GPHN: variants seen among roughly 807,000 people sequenced by gnomAD.
GPHN encodes the protein gephyrin.
Under a neutral mutation model 95.5 loss-of-function variants are expected in GPHN, and 17 were observed. The ratio of observed to expected loss-of-function variants is 0.18; its 90% CI spans 0.12 to 0.27. GPHN has a LOEUF of 0.27. Among genes scored for constraint, GPHN ranks in the 10% least tolerant of loss-of-function variants. The pLI is 1.00. For synonymous variants in GPHN, 320 were observed against 322.5 expected (o/e 0.99, Z 0.08); for missense variants, 660 against 978.1 (o/e 0.67, Z 4.34).
At chr14:67,492,578 G>T in the GPHN span, among the ~76,000 whole-genome samples, 1 of 152,178 alleles carries the variant, frequency 6.6e-6, no homozygotes, top group East Asian at 1.9e-4. Flanking sequence ...AAGTGATGGG[G>T]ACCCTGCCCC....
chr14:67,377,614 A>C, the GPHN span, among the ~76,000 whole-genome samples: 1 of 152,156 alleles, frequency 6.6e-6, no homozygotes, highest in Non-Finnish European at 1.5e-5. Flanking sequence ...AATTGCTCTC[A>C]AACTAGTCTT....
chr14:66,807,263 C>T (rs1393722375), intron 3 of GPHN, among the ~76,000 whole-genome samples: 2 of 152,166 alleles, frequency 1.3e-5, no homozygotes, highest in Non-Finnish European at 2.9e-5. Context: ...CCACCAGGTC[C>T]CTCCCACAAC....
intron 9 of GPHN, among the ~76,000 whole-genome samples, chr14:66,997,813 G>A (rs74739820): frequency 6.6e-6 from 1 of 151,976 alleles, no homozygotes; most frequent in African/African-American, 2.4e-5. Flanking sequence ...CATACCACTA[G>A]GGAGAAGCAA....
At chr14:67,359,265 T>C in the GPHN span, among the ~76,000 whole-genome samples, 1 of 152,202 alleles carries the variant, frequency 6.6e-6, no homozygotes. Flanking sequence ...AAAACCTCCT[T>C]GGCCTTTCCA....
chr14:66,816,162 G>A (rs897132167), intron 3 of GPHN, among the ~76,000 whole-genome samples: 9 of 152,154 alleles, frequency 5.9e-5, no homozygotes, highest in Non-Finnish European at 1.3e-4. Context: ...CATAAAGTAG[G>A]TTCTTAGGGA....
At chr14:66,780,737 A>C (rs557915283) in intron 3 of GPHN, among the ~76,000 whole-genome samples, 11 of 152,266 alleles carry the variant, frequency 7.2e-5, no homozygotes, top group African/African-American at 2.6e-4. Flanking sequence ...TCAAAGAAAA[A>C]CTGTTCTAAA....
the GPHN span, chr14:67,616,537 C>T: frequency 1.3e-5 from 2 of 150,862 alleles, no homozygotes; most frequent in Admixed American, 6.6e-5. Flanking sequence ...TAAGTACATA[C>T]AATTATTATT....
intron 2 of GPHN, among the ~76,000 whole-genome samples, chr14:66,774,918 T>C (rs1318190022): frequency 6.6e-6 from 1 of 152,218 alleles, no homozygotes; most frequent in Non-Finnish European, 1.5e-5. Context: ...TTGTGTAAAA[T>C]TGTAACTCCA....
chr14:67,182,650 G>C (rs1056503259), downstream of GPHN, among the ~76,000 whole-genome samples: 1 of 151,992 alleles, frequency 6.6e-6, no homozygotes, highest in African/African-American at 2.4e-5. Flanking sequence ...TTACAAACAT[G>C]AATAGGGCAG....
chr14:67,326,969 G>A, the GPHN span, among the ~76,000 whole-genome samples: 1 of 152,086 alleles, frequency 6.6e-6, no homozygotes, highest in African/African-American at 2.4e-5. Flanking sequence ...GAGGTGAGGA[G>A]TTTGAGACCA....
intron 2 of GPHN, among the ~76,000 whole-genome samples, chr14:66,764,046 T>C (rs916779187): frequency 2.6e-5 from 4 of 152,234 alleles, no homozygotes; most frequent in Non-Finnish European, 2.9e-5. Context: ...TGATTTTACA[T>C]TGTGATGACA....
chr14:67,093,501 A>G lies in GPHN; in HGVS notation c.1237+4426A>G, dbSNP rs148699843. 1.7e-3 allele frequency among the ~76,000 whole-genome samples: 254 copies of G among 152,186 alleles called. 1 individual carries two copies. Among genetic ancestry groups the G allele is most frequent in the African/African-American group, 5.9e-3 (246 of 41,560 alleles). ...TTGACAGCCTATTTTGCCCTCTACT[A>G]TAGGATACTTTCAGTGAAAAAGAGG... On this transcript the variant is annotated intron_variant, in intron 12 of 22. Coordinates refer to ENST00000478722, the MANE Select transcript of GPHN (RefSeq NM_020806.5).
At chr14:67,628,713 A>G in the GPHN span, among the ~76,000 whole-genome samples, 1 of 152,234 alleles carries the variant, frequency 6.6e-6, no homozygotes, top group Non-Finnish European at 1.5e-5. Flanking sequence ...GATGGCTACT[A>G]TCAAAACAGA....
chr14:67,382,607 C>CATT, the GPHN span: 14 of 1,613,338 alleles, frequency 8.7e-6, no homozygotes, highest in Non-Finnish European at 1.1e-5. Context: ...TCAATAGATT[C>CATT]ATTTTTAATA....
In GPHN at chr14:66,681,076, AT is replaced by A. The variant is rs201109534; in HGVS notation, c.65-22del. On this transcript the variant is annotated intron_variant, in intron 1 of 22. Coordinates refer to ENST00000478722, the MANE Select transcript of GPHN (RefSeq NM_020806.5). ...TTAAATGAAATGTAGACAAAAATTA[AT>A]TTTTTTTTCTTTTCCCCATTTCTAT... 3.7e-4 allele frequency: 482 copies of A among 1,307,794 alleles called. 3 individuals carry two copies. The East Asian group carries it at 8.6e-3, about 23-fold the overall frequency. The allele number at this position is 1,307,794 out of a possible 1,614,324, so 81.0% of individuals were successfully genotyped here.
the GPHN span, among the ~76,000 whole-genome samples, chr14:67,264,347 T>A: frequency 6.6e-6 from 1 of 152,230 alleles, no homozygotes; most frequent in Non-Finnish European, 1.5e-5. Context: ...GTATTAGCTA[T>A]GATCACTAAG....
intron 2 of GPHN, among the ~76,000 whole-genome samples, chr14:66,710,985 A>G (rs2069562174): frequency 6.6e-6 from 1 of 152,216 alleles, no homozygotes; most frequent in South Asian, 2.1e-4. Flanking sequence ...CCTTACTAGA[A>G]TAGTTATCAA....
At chr14:66,982,579 C>A (rs1567178315) in intron 9 of GPHN, among the ~76,000 whole-genome samples, 1 of 152,210 alleles carries the variant, frequency 6.6e-6, no homozygotes, top group Non-Finnish European at 1.5e-5. Context: ...TATTTTGGAT[C>A]CCATGGATAA....
At chr14:67,234,520 A>G in the GPHN span, among the ~76,000 whole-genome samples, 1 of 152,250 alleles carries the variant, frequency 6.6e-6, no homozygotes, top group South Asian at 2.1e-4. Context: ...AGTTCAAGAG[A>G]GAATAGGAGA....
Sources: allele counts gnomAD v4.1 joint callset (sites outside exome capture counted in the v4.1 genomes callset), GRCh38; gene constraint gnomAD v4.1.1; transcripts MANE v1.5; gene names NCBI Gene and HGNC (gene_info 2026-07-23, HGNC 2026-07-21).